GSK3B: variants seen among roughly 807,000 people sequenced by gnomAD.
GSK3B encodes the protein glycogen synthase kinase 3 beta.
In GSK3B, 15 loss-of-function variants were observed where a neutral mutation model predicts 56.4. That is an observed-to-expected ratio of 0.27 (90% CI 0.18 to 0.41). The LOEUF (loss-of-function observed/expected upper bound fraction) is 0.41, where lower values mean the gene tolerates loss of function less well. Among genes scored for constraint, GSK3B ranks in the 10% least tolerant of loss-of-function variants. GSK3B has a pLI of 1.00. For synonymous variants in GSK3B, 181 were observed against 188.9 expected, an observed-to-expected ratio of 0.96 and a Z score of 0.34; for missense variants, 300 against 513.4, an observed-to-expected ratio of 0.58 and a Z score of 4.02.
At chr3:120,068,653 T>C (rs1559899513) in intron 1 of GSK3B, among the ~76,000 whole-genome samples, 3 of 151,778 alleles carry the variant, frequency 2.0e-5, no homozygotes, top group Non-Finnish European at 2.9e-5. Flanking sequence ...TGAGCTGAGA[T>C]CACGCCACTG....
chr3:119,923,369 A>C lies in GSK3B; in HGVS notation c.477+4T>G. The C allele has an allele frequency of 6.9e-7, 1 of 1,448,106 alleles. No individual in the cohort carries two copies. The highest frequency in any genetic ancestry group is 9.7e-7 in the Non-Finnish European group (1 of 1,033,006). The allele number at this position is 1,448,106 out of a possible 1,614,324, so 89.7% of individuals were successfully genotyped here. ...AAATGGAAAATTGTTATGTTTTTAC[A>C]TACCTTGACATAAATCACAGGGAGC... On this transcript the variant is annotated splice_donor_region_variant and intron_variant, in intron 4 of 10. Coordinates refer to ENST00000264235, the MANE Select transcript of GSK3B (RefSeq NM_001146156.2).
At chr3:119,902,606 A>T (rs980283363) in intron 7 of GSK3B, among the ~76,000 whole-genome samples, 1 of 152,176 alleles carries the variant, frequency 6.6e-6, no homozygotes, top group Non-Finnish European at 1.5e-5. Flanking sequence ...CATGTTGGTC[A>T]GGCTGGTCTT....
rs59298105 is a variant in GSK3B at position 120,040,404 on chromosome 3, G to A, written c.89-38165C>T. 2.2e-4 allele frequency among the ~76,000 whole-genome samples: 33 copies of A among 152,114 alleles called. No individual in the cohort carries two copies. In the East Asian group the frequency reaches 3.5e-3, roughly 16 times the overall value. On this transcript the variant is annotated intron_variant, in intron 1 of 10. Transcript: ENST00000264235. ...GGGAAGTGGCCAGAGCAGATGCAGCGAAAAAAGGGTGCAAGAAACCTCCAG... is the reference window on the plus strand; with the variant it reads ...GGGAAGTGGCCAGAGCAGATGCAGCAAAAAAAGGGTGCAAGAAACCTCCAG...
intron 1 of GSK3B, among the ~76,000 whole-genome samples, chr3:120,002,928 T>C (rs950224056): frequency 1.3e-5 from 2 of 152,206 alleles, no homozygotes; most frequent in Non-Finnish European, 2.9e-5. Flanking sequence ...TTCAAGACCT[T>C]ATTTTACTTG....
intron 7 of GSK3B, among the ~76,000 whole-genome samples, chr3:119,885,655 C>G (rs1338639412): frequency 6.6e-6 from 1 of 152,098 alleles, no homozygotes; most frequent in African/African-American, 2.4e-5. Flanking sequence ...TCAAACTGTA[C>G]TATAAGGCTA....
intron 1 of GSK3B, among the ~76,000 whole-genome samples, chr3:120,054,452 A>T (rs2058176851): frequency 1.3e-5 from 2 of 152,278 alleles, no homozygotes; most frequent in South Asian, 4.2e-4. Context: ...CCTAAATCTA[A>T]TAAACACTTT....
At chr3:119,846,055 T>A (rs1436003251) in intron 9 of GSK3B, among the ~76,000 whole-genome samples, 1 of 152,178 alleles carries the variant, frequency 6.6e-6, no homozygotes, top group African/African-American at 2.4e-5. Context: ...GGGAAAGGAT[T>A]CCCTATTTAA....
intron 7 of GSK3B, among the ~76,000 whole-genome samples, chr3:119,878,991 G>A (rs772269121): frequency 3.3e-5 from 5 of 152,134 alleles, no homozygotes; most frequent in Non-Finnish European, 5.9e-5. Flanking sequence ...GGGTGTAAGC[G>A]TATGGAAAAA....
intron 1 of GSK3B, among the ~76,000 whole-genome samples, chr3:120,005,085 A>C (rs2057715026): frequency 6.6e-6 from 1 of 152,110 alleles, no homozygotes; most frequent in Non-Finnish European, 1.5e-5. Flanking sequence ...AGCTTAAATG[A>C]CCTGATGAAG....
chr3:119,854,403 G>A (rs1345438548), intron 9 of GSK3B, among the ~76,000 whole-genome samples: 1 of 152,136 alleles, frequency 6.6e-6, no homozygotes, highest in Non-Finnish European at 1.5e-5. Flanking sequence ...GTCTCTGCCA[G>A]GCTTTGGTAT....
Position 120,034,256 on chromosome 3 carries a change from T to C in GSK3B, c.89-32017A>G, listed in dbSNP as rs74588474. Among the ~76,000 whole-genome samples, 1,156 of 152,340 alleles carry C rather than the reference T, an allele frequency of 7.6e-3. 5 individuals carry two copies. The highest frequency in any genetic ancestry group is 0.012 in the Non-Finnish European group (836 of 68,022). On this transcript the variant is annotated intron_variant, in intron 1 of 10. Transcript: ENST00000264235. Reference sequence around the variant, plus strand: ...AGGTATCCATTTTTTCTTTTGTTGCTTGTGTGCTTGGTACCACATCTAAGA... The same window carrying C: ...AGGTATCCATTTTTTCTTTTGTTGCCTGTGTGCTTGGTACCACATCTAAGA...
At chr3:119,995,846 T>C (rs2057611978) in intron 2 of GSK3B, among the ~76,000 whole-genome samples, 1 of 151,706 alleles carries the variant, frequency 6.6e-6, no homozygotes, top group Non-Finnish European at 1.5e-5. Flanking sequence ...CAAGTAATTC[T>C]CCTGCCTCAG....
intron 1 of GSK3B, among the ~76,000 whole-genome samples, chr3:120,031,072 A>T (rs929523661): frequency 7.2e-5 from 11 of 152,244 alleles, no homozygotes; most frequent in African/African-American, 2.7e-4. Flanking sequence ...CTTACTGTAA[A>T]AGAGTATGTT....
rs2108000243 is a variant in GSK3B at position 119,832,804 on chromosome 3, G to A, written c.1196-5949C>T. On this transcript the variant is annotated intron_variant, in intron 10 of 10. Transcript: ENST00000264235. ...AAAACACAACTTAGGCAGTCCCACAGTGAAACCAAGGGTAGAACCCTTAAG... is the reference window on the plus strand; with the variant it reads ...AAAACACAACTTAGGCAGTCCCACAATGAAACCAAGGGTAGAACCCTTAAG... Among the ~76,000 whole-genome samples, 3 of 152,352 alleles carry A rather than the reference G, an allele frequency of 2.0e-5. No individual in the cohort carries two copies. In the South Asian group the frequency reaches 6.2e-4, roughly 32 times the overall value.
chr3:119,861,553 A>C (rs914984749), intron 9 of GSK3B, among the ~76,000 whole-genome samples: 3 of 151,902 alleles, frequency 2.0e-5, no homozygotes, highest in Admixed American at 6.6e-5. Flanking sequence ...AAACAAAAAA[A>C]CCAAAAAACA....
At chr3:120,045,401 T>C (rs2058094862) in intron 1 of GSK3B, among the ~76,000 whole-genome samples, 1 of 152,100 alleles carries the variant, frequency 6.6e-6, no homozygotes, top group Admixed American at 6.6e-5. Flanking sequence ...TTCCCTTGGT[T>C]ACCCACTCTG....
Position 120,011,345 on chromosome 3 carries a change from T to C in GSK3B, c.89-9106A>G, listed in dbSNP as rs73854763. ...TCAAGGGTTTGAAAACTAGCTATGA[T>C]AGATATCCATTAGAACCCTGGGATT... On this transcript the variant is annotated intron_variant, in intron 1 of 10. Coordinates refer to ENST00000264235, the MANE Select transcript of GSK3B (RefSeq NM_001146156.2). 6.8e-3 allele frequency among the ~76,000 whole-genome samples: 1,030 copies of C among 152,252 alleles called. 2 individuals carry two copies. The highest frequency in any genetic ancestry group is 0.015 in the African/African-American group (635 of 41,542).
chr3:120,033,441 T>C (rs1470141943), intron 1 of GSK3B, among the ~76,000 whole-genome samples: 1 of 152,238 alleles, frequency 6.6e-6, no homozygotes, highest in Non-Finnish European at 1.5e-5. Flanking sequence ...CCCACAGCAG[T>C]GTACGAGGGT....
At chr3:119,854,424 C>T (rs1371941935) in intron 9 of GSK3B, among the ~76,000 whole-genome samples, 13 of 152,290 alleles carry the variant, frequency 8.5e-5, no homozygotes, top group Middle Eastern at 6.8e-3. Context: ...CAGGATGATG[C>T]TGGCCTCATA....
Sources: allele counts gnomAD v4.1 joint callset (sites outside exome capture counted in the v4.1 genomes callset), GRCh38; gene constraint gnomAD v4.1.1; transcripts MANE v1.5; gene names NCBI Gene and HGNC (gene_info 2026-07-23, HGNC 2026-07-21).